The following LRRC61 variants were observed in gnomAD, a reference collection of about 807,000 sequenced individuals.
LRRC61 encodes the protein leucine rich repeat containing 61.
A neutral mutation model predicts 15.1 loss-of-function variants in LRRC61; 9 were observed. That is an observed-to-expected ratio of 0.60 (90% CI 0.36 to 1.04). LRRC61 has a LOEUF of 1.04. Among genes scored for constraint, LRRC61 ranks in the 50% least tolerant of loss-of-function variants. The pLI, the probability that LRRC61 is intolerant of heterozygous loss-of-function variation, is 0.01. For missense variants in LRRC61, 344 were observed against 335.6 expected, an observed-to-expected ratio of 1.03 and a Z score of -0.20; for synonymous variants, 173 against 158.6, an observed-to-expected ratio of 1.09 and a Z score of -0.68.
intron 2 of LRRC61, chr7:150,331,337 A>G (rs1585045185): frequency 1.9e-6 from 1 of 517,502 alleles, no homozygotes; most frequent in Non-Finnish European, 3.5e-6. Context: ...GCCGGTGCTC[A>G]CCCTGCCCGT....
Position 150,335,097 on chromosome 7 carries a change from C to T in LRRC61, c.-144-1621C>T, listed in dbSNP as rs1798247321. Among the ~76,000 whole-genome samples, 2 of 151,988 alleles carry T rather than the reference C, an allele frequency of 1.3e-5. No individual in the cohort carries two copies. The highest frequency in any genetic ancestry group is 4.1e-4 in the South Asian group (2 of 4,826). ...CAGTCACCCAGCAAGATTCCCCAGT[C>T]GTCCTAGGCTCTTTTTCCTCCTCCC... On this transcript the variant is annotated intron_variant, in intron 2 of 2. Transcript: ENST00000359623. This position sits in a 1 kb window ranked among gnomAD's most constrained non-coding sequence, Gnocchi z 4.3.
At chr7:150,319,757 C>A (rs574760134), upstream of LRRC61, among the ~76,000 whole-genome samples, 1 of 152,194 alleles carries the variant, frequency 6.6e-6, no homozygotes, top group African/African-American at 2.4e-5. Flanking sequence ...TCCCCTGACC[C>A]GAGACAGAGT....
At chr7:150,324,952 T>C (rs1337163935) in intron 1 of LRRC61, among the ~76,000 whole-genome samples, 2 of 152,200 alleles carry the variant, frequency 1.3e-5, no homozygotes, top group Non-Finnish European at 2.9e-5. Flanking sequence ...ACTTTGGTTT[T>C]TCCTTGTCTC....
chr7:150,313,214 C>T, the LRRC61 span, among the ~76,000 whole-genome samples: 3 of 152,216 alleles, frequency 2.0e-5, no homozygotes, highest in Admixed American at 2.0e-4. Context: ...CCCACTTGCA[C>T]CCAAGTGAAT....
chr7:150,320,544 C>T (rs1428847993), upstream of LRRC61, among the ~76,000 whole-genome samples: 6 of 152,310 alleles, frequency 3.9e-5, no homozygotes, highest in African/African-American at 1.4e-4. Flanking sequence ...GGGTGGATCA[C>T]TTGAAGTCAG....
At chr7:150,320,576 AAT>A (rs1214595587), upstream of LRRC61, among the ~76,000 whole-genome samples, 1 of 152,230 alleles carries the variant, frequency 6.6e-6, no homozygotes, top group Non-Finnish European at 1.5e-5. Flanking sequence ...CAGGCTGGCC[AAT>A]ATGGCAAAAC....
rs1798248906 is a variant in LRRC61 at position 150,335,148 on chromosome 7, C to T, written c.-144-1570C>T. Among the ~76,000 whole-genome samples the T allele has an allele frequency of 6.6e-6, 1 of 151,532 alleles. No homozygotes were observed. The highest frequency in any genetic ancestry group is 2.1e-4 in the South Asian group (1 of 4,812). ...CATTGCTTCCTGCCCTCCTTAGGGCCTGTATCTTTTGTTTTCACAGCAGAC... is the reference window on the plus strand; with the variant it reads ...CATTGCTTCCTGCCCTCCTTAGGGCTTGTATCTTTTGTTTTCACAGCAGAC... On this transcript the variant is annotated intron_variant, in intron 2 of 2. Transcript: ENST00000359623. This position sits in a 1 kb window ranked among gnomAD's most constrained non-coding sequence, Gnocchi z 4.3.
upstream of LRRC61, chr7:150,323,317 AC>A: frequency 3.7e-6 from 1 of 267,144 alleles, no homozygotes; most frequent in Non-Finnish European, 7.4e-6. Context: ...CAGAGCGCCC[AC>A]TACGGCCTTT....
chr7:150,338,147 T>C lies in LRRC61; in HGVS notation c.*506T>C. 1.3e-6 allele frequency: 1 copy of C among 799,604 alleles called. No homozygotes were observed. Among genetic ancestry groups the C allele is most frequent in the South Asian group, 1.7e-5 (1 of 58,372 alleles). The allele number at this position is 799,604 out of a possible 1,614,324, so 49.5% of individuals were successfully genotyped here. ...CACACATCTATTAAATGCTTCTGTT[T>C]TCATTTGCATCCCTGCCTGGCATTT... On this transcript the variant is annotated 3_prime_UTR_variant, in exon 3 of 3. Coordinates refer to ENST00000359623, the MANE Select transcript of LRRC61 (RefSeq NM_001142928.2).
chr7:150,323,940 C>T (rs1283682678), intron 1 of LRRC61, among the ~76,000 whole-genome samples: 1 of 152,160 alleles, frequency 6.6e-6, no homozygotes, highest in African/African-American at 2.4e-5. Context: ...AGAGTGCTGC[C>T]GTGTCGTTTG....
Position 150,337,590 on chromosome 7 carries a change from G to A in LRRC61, c.729G>A (p.Gln243=), listed in dbSNP as rs1441145631. ...LDRQASDSLA[Q]AEQVLSSAGP... ...GCCAGGCCAGCGACAGCCTGGCCCA[G>A]GCGGAGCAGGTACTCAGCTCTGCGG... is the stretch of plus-strand genomic sequence containing the variant. The change falls in exon 3 of 3, where the codon CAG becomes CAA. Residue 243 remains glutamine (Q), a synonymous_variant. Coordinates refer to ENST00000359623, the MANE Select transcript of LRRC61 (RefSeq NM_001142928.2). 5 of 1,570,430 alleles carry A rather than the reference G, an allele frequency of 3.2e-6. No individual in the cohort carries two copies. In the Admixed American group the frequency reaches 5.7e-5, roughly 18 times the overall value.
In LRRC61 at chr7:150,337,075, G is replaced by A; in HGVS notation, c.214G>A (p.Ala72Thr). The change falls in exon 3 of 3, where the codon GCC becomes ACC. Residue 72 changes from alanine (A) to threonine (T), a missense_variant. Ala to Thr is a moderately conservative substitution (Grantham distance 58). Coordinates refer to ENST00000359623, the MANE Select transcript of LRRC61 (RefSeq NM_001142928.2). ...GNALTHLGPLASLRQLAVLNV... is the reference protein window; with the variant it reads ...GNALTHLGPLTSLRQLAVLNV... Reference sequence around the variant, plus strand: ...CGCGCTCACCCACCTGGGCCCGCTGGCCTCCTTGCGCCAGCTAGCTGTGCT... The same window carrying A: ...CGCGCTCACCCACCTGGGCCCGCTGACCTCCTTGCGCCAGCTAGCTGTGCT... 1 of 1,612,736 alleles carries A rather than the reference G, an allele frequency of 6.2e-7. No homozygotes were observed. The highest frequency in any genetic ancestry group is 8.5e-7 in the Non-Finnish European group (1 of 1,179,788).
upstream of LRRC61, among the ~76,000 whole-genome samples, chr7:150,319,279 C>T (rs1007931246): frequency 1.3e-5 from 2 of 151,238 alleles, no homozygotes; most frequent in Non-Finnish European, 2.9e-5. Flanking sequence ...GTGAGCTTGG[C>T]TCACCACAAG....
rs1798176006 is a variant in LRRC61, at chr7:150,333,381, T to C, written c.-144-3337T>C. Among the ~76,000 whole-genome samples the C allele has an allele frequency of 6.6e-6, 1 of 152,194 alleles. No individual in the cohort carries two copies. The highest frequency in any genetic ancestry group is 2.1e-4 in the South Asian group (1 of 4,828). ...GTGTCTAGTGGACAAAGGCCAGGGA[T>C]GCTGCTCAGCACCCTCCAATGTGCA... On this transcript the variant is annotated intron_variant, in intron 2 of 2. Transcript: ENST00000359623. This position sits in a 1 kb window ranked among gnomAD's most constrained non-coding sequence, Gnocchi z 4.3.
At chr7:150,314,337 T>C in the LRRC61 span, among the ~76,000 whole-genome samples, 4 of 152,170 alleles carry the variant, frequency 2.6e-5, no homozygotes, top group African/African-American at 9.7e-5. Flanking sequence ...CCTTAGAAAA[T>C]GCATTTTTCC....
chr7:150,316,617 C>T, the LRRC61 span, among the ~76,000 whole-genome samples: 2 of 151,712 alleles, frequency 1.3e-5, no homozygotes, highest in Non-Finnish European at 2.9e-5. Context: ...TCCTGAGCAG[C>T]TGGGACTACA....
At chr7:150,324,584 C>G (rs1797876847) in intron 1 of LRRC61, among the ~76,000 whole-genome samples, 1 of 152,214 alleles carries the variant, frequency 6.6e-6, no homozygotes, top group African/African-American at 2.4e-5. Flanking sequence ...AGCTGCCTCA[C>G]TTCCCTTCTG....
the LRRC61 span, among the ~76,000 whole-genome samples, chr7:150,314,372 G>T: frequency 6.6e-6 from 1 of 152,154 alleles, no homozygotes; most frequent in African/African-American, 2.4e-5. Context: ...GGTAGAGTTA[G>T]GTCTATTGTT....
intron 2 of LRRC61, chr7:150,328,493 G>A (rs1317266751): frequency 1.3e-5 from 2 of 152,258 alleles, no homozygotes; most frequent in Non-Finnish European, 2.9e-5. Context: ...AGGAACTAGA[G>A]GGGGCAGCGT....
Sources: gnomAD v4.1 joint callset for allele counts (sites outside exome capture counted in the v4.1 genomes callset) on GRCh38, gnomAD v4.1.1 for gene constraint, Gnocchi (gnomAD v3.1) non-coding constraint, MANE v1.5 for transcripts, NCBI Gene and HGNC (gene_info 2026-07-23, HGNC 2026-07-21) for gene names.